Variants in TFG observed in about 807,000 individuals in gnomAD.
The protein encoded by TFG is trafficking from ER to golgi regulator, also known as protein TFG.
TFG carries 22 observed loss-of-function variants against 51.4 expected under a neutral mutation model. That is an observed-to-expected ratio of 0.43 (90% CI 0.31 to 0.61). The LOEUF is 0.61. TFG is among the 20% of genes least tolerant of loss of function. The pLI is 0.12. For missense variants in TFG, 419 were observed against 487.7 expected, an observed-to-expected ratio of 0.86 and a Z score of 1.33; for synonymous variants, 187 against 165.6, an observed-to-expected ratio of 1.13 and a Z score of -0.99.
intron 5 of TFG, among the ~76,000 whole-genome samples, chr3:100,733,066 AAAATT>A (rs2095096351): frequency 6.6e-6 from 1 of 152,234 alleles, no homozygotes; most frequent in Non-Finnish European, 1.5e-5. Context: ...AGAGAAATTG[AAAATT>A]AAATGTAGAT....
intron 3 of TFG, among the ~76,000 whole-genome samples, chr3:100,724,698 T>G (rs1243579577): frequency 1.3e-5 from 2 of 152,150 alleles, no homozygotes; most frequent in Non-Finnish European, 2.9e-5. Flanking sequence ...TATTAAGTAA[T>G]ATTTACAAAT....
At chr3:100,711,560 G>A (rs989166705) in intron 1 of TFG, among the ~76,000 whole-genome samples, 1 of 152,008 alleles carries the variant, frequency 6.6e-6, no homozygotes, top group Non-Finnish European at 1.5e-5. Flanking sequence ...GTGAGGGGTC[G>A]GATGTAAAAA....
chr3:100,711,617 CAA>C (rs1238709751), intron 1 of TFG, among the ~76,000 whole-genome samples: 1 of 151,992 alleles, frequency 6.6e-6, no homozygotes, highest in African/African-American at 2.4e-5. Flanking sequence ...AAAATTTAAA[CAA>C]AGTCTTTAAA....
At chr3:100,714,243 T>A (rs1306638301) in intron 2 of TFG, among the ~76,000 whole-genome samples, 1 of 151,528 alleles carries the variant, frequency 6.6e-6, no homozygotes, top group Non-Finnish European at 1.5e-5. Context: ...CTCATGCCTG[T>A]AATCCCAGCA....
At chr3:100,725,288 G>A (rs908811334) in intron 3 of TFG, among the ~76,000 whole-genome samples, 4 of 152,082 alleles carry the variant, frequency 2.6e-5, no homozygotes, top group Non-Finnish European at 5.9e-5. Flanking sequence ...GATTATAAAT[G>A]TAACTAAAAT....
intron 3 of TFG, among the ~76,000 whole-genome samples, 159 bp from the exon 4 acceptor site, chr3:100,728,553 A>G (rs986670160): frequency 9.9e-5 from 15 of 151,922 alleles, no homozygotes; most frequent in African/African-American, 3.6e-4. Flanking sequence ...GTTATTAGCC[A>G]TAGAGAATTC....
At chr3:100,727,169 C>A (rs2095078327) in intron 3 of TFG, among the ~76,000 whole-genome samples, 1 of 152,194 alleles carries the variant, frequency 6.6e-6, no homozygotes, top group Admixed American at 6.5e-5. Flanking sequence ...GAGAACACCA[C>A]AGCCTACCTG....
chr3:100,711,599 A>C (rs970921082), intron 1 of TFG, among the ~76,000 whole-genome samples: 16 of 152,202 alleles, frequency 1.1e-4, no homozygotes, highest in African/African-American at 3.6e-4. Context: ...TTCTTCTCCC[A>C]TAATTAAAAA....
chr3:100,746,276 G>A (rs547548283), intron 7 of TFG, among the ~76,000 whole-genome samples: 1 of 152,070 alleles, frequency 6.6e-6, no homozygotes, highest in Admixed American at 6.6e-5. Context: ...GCTATGTGTG[G>A]GGCCCCATTC....
rs1056791326 is a variant in TFG at position 100,748,589 on chromosome 3, C to T, written c.*58C>T. The T allele has an allele frequency of 1.3e-5, 19 of 1,494,522 alleles. No individual in the cohort carries two copies. Among genetic ancestry groups the T allele is most frequent in the Non-Finnish European group, 1.7e-5 (19 of 1,114,906 alleles). The allele number at this position is 1,494,522 out of a possible 1,614,324, so 92.6% of individuals were successfully genotyped here. A position where few individuals can be genotyped will look rare whatever the true frequency, so the allele number is the denominator to read the frequency against. On this transcript the variant is annotated 3_prime_UTR_variant, in exon 8 of 8. Transcript: ENST00000240851. Reference sequence around the variant, plus strand: ...TAGCTATTGGCCTCCCAAAAGACTCCAGTACTATTTTAATTTGTATTGAAG... The same window carrying T: ...TAGCTATTGGCCTCCCAAAAGACTCTAGTACTATTTTAATTTGTATTGAAG...
In TFG at chr3:100,736,467, A is replaced by C. The variant is rs184813827; in HGVS notation, c.581-109A>C. 3.3e-6 allele frequency: 4 copies of C among 1,219,556 alleles called. No individual in the cohort carries two copies. The East Asian group carries it at 7.2e-5, about 22-fold the overall frequency. 75.5% of individuals were successfully genotyped at this position (1,219,556 alleles called of 1,614,324 possible). A position where few individuals can be genotyped will look rare whatever the true frequency, so the allele number is the denominator to read the frequency against. ...TGTAAAAAGGCGTATTTGTGGTTAT[A>C]TACTTATTCTATAGTACTTTTAGTA... On this transcript the variant is annotated intron_variant, in intron 5 of 7. Transcript: ENST00000240851.
chr3:100,746,173 A>T (rs2095134340), intron 7 of TFG, among the ~76,000 whole-genome samples: 2 of 152,160 alleles, frequency 1.3e-5, no homozygotes, highest in South Asian at 4.1e-4. Context: ...AAACTATGTT[A>T]TTTATAGAAA....
chr3:100,728,860 T>G lies in TFG; in HGVS notation c.415+2T>G. The G allele has an allele frequency of 6.2e-7, 1 of 1,604,374 alleles. No homozygotes were observed. Among genetic ancestry groups the G allele is most frequent in the Non-Finnish European group, 8.5e-7 (1 of 1,176,356 alleles). ...CTTCCACCAATATTCCTGAAAATGG[T>G]AAACCCTGAATCCATTGTATTCTGA... On this transcript the variant is annotated splice_donor_variant, in intron 4 of 7. Coordinates refer to ENST00000240851, the MANE Select transcript of TFG (RefSeq NM_006070.6). LOFTEE classifies it high-confidence loss of function.
chr3:100,736,786 A>C, intron 6 of TFG, 70 bp downstream of exon 6: 1 of 1,512,184 alleles, frequency 6.6e-7, no homozygotes, highest in Non-Finnish European at 9.0e-7. Flanking sequence ...GCATTGTTGT[A>C]AACACTTCAT....
At chr3:100,723,372 G>A (rs973358185) in intron 3 of TFG, among the ~76,000 whole-genome samples, 4 of 151,902 alleles carry the variant, frequency 2.6e-5, no homozygotes. Context: ...AAGTGGTGGC[G>A]GAATAAAAGA....
intron 6 of TFG, 125 bp from the exon 7 acceptor site, chr3:100,744,708 A>G (rs1294005652): frequency 3.3e-6 from 2 of 598,568 alleles, no homozygotes; most frequent in African/African-American, 3.7e-5. Context: ...AAGTTGAACA[A>G]ATACTTTCTT....
rs1185375387 is a variant in TFG, at chr3:100,748,513, T to C, written c.1185T>C (p.Pro395=). 19 of 1,611,680 alleles carry C rather than the reference T, an allele frequency of 1.2e-5. No individual in the cohort carries two copies. Among genetic ancestry groups the C allele is most frequent in the Non-Finnish European group, 1.6e-5 (19 of 1,178,150 alleles). Residue 395 remains proline (P), a synonymous_variant, in exon 8 of 8, where the codon CCT becomes CCC. Transcript: ENST00000240851. ...RPPFGQGYTQ[P]GPGYR The stretch of plus-strand genomic sequence containing the variant: ...CCTTTGGTCAGGGCTATACCCAACC[T>C]GGACCTGGTTATCGATAAGGAGGCT...
At chr3:100,720,591 A>G (rs1425952313) in intron 3 of TFG, among the ~76,000 whole-genome samples, 3 of 152,226 alleles carry the variant, frequency 2.0e-5, no homozygotes, top group Non-Finnish European at 2.9e-5. Context: ...ATCTAATGCC[A>G]CTGCTGAACT....
At chr3:100,714,307 C>G (rs1456035415) in intron 2 of TFG, among the ~76,000 whole-genome samples, 2 of 152,242 alleles carry the variant, frequency 1.3e-5, no homozygotes, top group East Asian at 3.9e-4. Flanking sequence ...CAAGATCAGC[C>G]TGGCCAACAT....
Sources: allele counts gnomAD v4.1 joint callset (sites outside exome capture counted in the v4.1 genomes callset), GRCh38; gene constraint gnomAD v4.1.1; transcripts MANE v1.5; gene names NCBI Gene and HGNC (gene_info 2026-07-23, HGNC 2026-07-21).